Variants in KCNG4 observed in about 807,000 individuals in gnomAD.
KCNG4 encodes voltage-gated potassium channel regulatory subunit KCNG4.
A neutral mutation model predicts 28.2 loss-of-function variants in KCNG4; 30 were observed. That is an observed-to-expected ratio of 1.06 (90% CI 0.80 to 1.44). The LOEUF (loss-of-function observed/expected upper bound fraction) is 1.44. KCNG4 is among the 40% of genes most tolerant of loss of function. KCNG4 has a pLI of 0.00. For missense variants in KCNG4, 879 were observed against 712.3 expected (o/e 1.23, Z -2.66); for synonymous variants, 375 against 315.5 (o/e 1.19, Z -2.00).
chr16:84,225,455 C>T (rs1459690013), intron 2 of KCNG4, among the ~76,000 whole-genome samples: 1 of 152,146 alleles, frequency 6.6e-6, no homozygotes, highest in Non-Finnish European at 1.5e-5. Flanking sequence ...TTCTTGGGCC[C>T]CCATCACAAA....
At chr16:84,232,004 C>CAAA (rs11298495) in intron 2 of KCNG4, among the ~76,000 whole-genome samples, 45 of 100,068 alleles carry the variant, frequency 4.5e-4, no homozygotes, top group African/African-American at 1.5e-3. Flanking sequence ...AACTCCATCT[C>CAAA]AAAAAAAAAA....
At chr16:84,225,831 G>A (rs756160521) in intron 2 of KCNG4, among the ~76,000 whole-genome samples, 5 of 152,328 alleles carry the variant, frequency 3.3e-5, no homozygotes, top group East Asian at 1.9e-4. Flanking sequence ...GCTCTGCCGC[G>A]TCACTGCACC....
chr16:84,234,107 C>A (rs1904886627), intron 2 of KCNG4, among the ~76,000 whole-genome samples: 2 of 152,328 alleles, frequency 1.3e-5, no homozygotes, highest in South Asian at 4.1e-4. Flanking sequence ...ACTTTAAAAT[C>A]CGGTGCCCCT....
At chr16:84,232,885 T>C (rs1904858778) in intron 2 of KCNG4, among the ~76,000 whole-genome samples, 1 of 90,188 alleles carries the variant, frequency 1.1e-5, no homozygotes, top group African/African-American at 5.0e-5. Context: ...GGGGACAGAG[T>C]GAAACCCTAT....
chr16:84,238,308 C>T (rs1905026109), intron 1 of KCNG4, among the ~76,000 whole-genome samples: 1 of 152,160 alleles, frequency 6.6e-6, no homozygotes, highest in African/African-American at 2.4e-5. Context: ...CAGCGAGGGT[C>T]TGTTATTAAA....
In KCNG4 at chr16:84,222,000, A is replaced by C; in HGVS notation, c.*217T>G. On this transcript the variant is annotated 3_prime_UTR_variant, in exon 3 of 3. Coordinates refer to ENST00000308251, the MANE Select transcript of KCNG4 (RefSeq NM_172347.3). ...GCTCAGTAGATGGGCAGAGAGAGGA[A>C]AAGGCAAGCAGGCTGGACACAGTCA... 1 of 577,190 alleles carries C rather than the reference A, an allele frequency of 1.7e-6. No homozygotes were observed. Among genetic ancestry groups the C allele is most frequent in the Non-Finnish European group, 3.1e-6 (1 of 324,466 alleles). 35.8% of individuals were successfully genotyped at this position (577,190 alleles called of 1,614,324 possible). A position where few individuals can be genotyped will look rare whatever the true frequency, so the allele number is the denominator to read the frequency against.
chr16:84,230,904 C>T (rs1313452368), intron 2 of KCNG4, among the ~76,000 whole-genome samples: 3 of 152,224 alleles, frequency 2.0e-5, no homozygotes, highest in Non-Finnish European at 4.4e-5. Context: ...CTTCTCCCAC[C>T]GGGTCTCCAG....
intron 2 of KCNG4, among the ~76,000 whole-genome samples, chr16:84,232,638 G>C (rs985574991): frequency 1.3e-5 from 2 of 152,130 alleles, no homozygotes; most frequent in Middle Eastern, 3.2e-3. Flanking sequence ...AGTGACTCAC[G>C]CCTATAATCC....
Position 84,223,739 on chromosome 16 carries a change from T to C in KCNG4, c.757-719A>G, listed in dbSNP as rs111633087. ...GTCTCTTAGATACTGTTGGCTATTT[T>C]GTAACTTTGTTGTTTACCACCCCTC... On this transcript the variant is annotated intron_variant, in intron 2 of 2. Coordinates refer to ENST00000308251, the MANE Select transcript of KCNG4 (RefSeq NM_172347.3). Among the ~76,000 whole-genome samples, 1,334 of 152,314 alleles carry C rather than the reference T, an allele frequency of 8.8e-3. 24 individuals are homozygous for C. The highest frequency in any genetic ancestry group is 0.03 in the African/African-American group (1,245 of 41,566).
In KCNG4 at chr16:84,222,748, G is replaced by A. The variant is rs1904602550; in HGVS notation, c.1029C>T (p.Arg343=). The part of the protein sequence containing the change: ...GLVLRVLRAL[R]ILYVMRLARH... ...GAGCCAGGCGCATCACGTAGAGGAT[G>A]CGCAGCGCTCGCAGCACACGCAGGA... Residue 343 remains arginine (R), a synonymous_variant, in exon 3 of 3, where the codon CGC becomes CGT. Transcript: ENST00000308251. The A allele has an allele frequency of 1.2e-6, 2 of 1,612,506 alleles. No individual in the cohort carries two copies. The highest frequency in any genetic ancestry group is 1.1e-5 in the South Asian group (1 of 90,916).
At chr16:84,230,390 G>GCA (rs1904798997) in intron 2 of KCNG4, among the ~76,000 whole-genome samples, 5 of 120,992 alleles carry the variant, frequency 4.1e-5, no homozygotes, top group East Asian at 2.5e-4. Flanking sequence ...GGGTGACAGT[G>GCA]AGACTTCATC....
chr16:84,236,591 G>T, intron 2 of KCNG4, 139 bp downstream of exon 2: 3 of 948,640 alleles, frequency 3.2e-6, no homozygotes, highest in Non-Finnish European at 4.5e-6. Context: ...GCCTAATAAT[G>T]AATATAACCC....
chr16:84,234,350 T>G (rs940738537), intron 2 of KCNG4, among the ~76,000 whole-genome samples: 1 of 150,846 alleles, frequency 6.6e-6, no homozygotes, highest in Non-Finnish European at 1.5e-5. Context: ...TTTTTTTTTG[T>G]TTTTTTTTAG....
intron 2 of KCNG4, among the ~76,000 whole-genome samples, chr16:84,227,903 G>A (rs901447045): frequency 6.6e-6 from 1 of 152,184 alleles, no homozygotes; most frequent in Non-Finnish European, 1.5e-5. Context: ...AGAGGGGTGG[G>A]TGTCCGGGGC....
rs1302710413 is a variant in KCNG4, at chr16:84,222,952, C to G, written c.825G>C (p.Leu275=). 6.3e-7 allele frequency: 1 copy of G among 1,577,594 alleles called. No homozygotes were observed. The highest frequency in any genetic ancestry group is 2.3e-5 in the East Asian group (1 of 44,362). The change falls in exon 3 of 3, where the codon CTG becomes CTC. Residue 275 remains leucine, a synonymous_variant. Transcript: ENST00000308251. ...VETICVAWFS[L]EFCLRFVQAQ... is the part of the protein sequence containing the mutation. ...CCTGGACAAACCGCAGGCAGAACTC[C>G]AGGGAGAACCAGGCCACGCAGATGG...
intron 2 of KCNG4, among the ~76,000 whole-genome samples, chr16:84,225,322 G>A (rs181264838): frequency 6.6e-5 from 10 of 152,156 alleles, no homozygotes; most frequent in East Asian, 1.9e-4. Context: ...ACTTTGCAGC[G>A]GCCACTGGCC....
intron 2 of KCNG4, among the ~76,000 whole-genome samples, chr16:84,228,924 C>A (rs4782596): frequency 6.6e-6 from 1 of 152,134 alleles, no homozygotes; most frequent in African/African-American, 2.4e-5. Flanking sequence ...GATCCATCAC[C>A]GGCTCTCCAC....
chr16:84,235,740 A>G (rs1341822786), intron 2 of KCNG4: 1 of 152,242 alleles, frequency 6.6e-6, no homozygotes. Flanking sequence ...AGCAAGCACC[A>G]TCTTACGTAT....
intron 2 of KCNG4, 159 bp downstream of exon 2, chr16:84,236,571 A>T: frequency 1.1e-6 from 1 of 889,256 alleles, no homozygotes; most frequent in Non-Finnish European, 1.6e-6. Flanking sequence ...ATTATCTTTT[A>T]TGACTGATGG....
Sources: gnomAD v4.1 joint callset for allele counts (sites outside exome capture counted in the v4.1 genomes callset) on GRCh38, gnomAD v4.1.1 for gene constraint, MANE v1.5 for transcripts, NCBI Gene and HGNC (gene_info 2026-07-23, HGNC 2026-07-21) for gene names.